NXNL1: variants seen among roughly 807,000 people sequenced by gnomAD.
The protein encoded by NXNL1 is nucleoredoxin like 1, also known as nucleoredoxin-like protein 1.
A neutral mutation model predicts 7.2 loss-of-function variants in NXNL1; 6 were observed. The observed-to-expected ratio is 0.83, with a 90% CI of 0.46 to 1.64. The LOEUF (loss-of-function observed/expected upper bound fraction) is 1.64, where lower values mean the gene tolerates loss of function less well. Among genes scored for constraint, NXNL1 ranks in the 40% most tolerant of loss-of-function variants. The probability of loss-of-function intolerance (pLI) is 0.01; values close to 1 mark genes in which losing one functional copy is unlikely to be tolerated. For missense variants in NXNL1, 308 were observed against 285.1 expected, an observed-to-expected ratio of 1.08 and a Z score of -0.58; for synonymous variants, 133 against 127.2, an observed-to-expected ratio of 1.05 and a Z score of -0.31.
In NXNL1 at chr19:17,460,865, G is replaced by T; in HGVS notation, c.5C>A (p.Ala2Asp). ...CAGGATGCGGCCAGAGAACAGGGAG[G>T]CCATGGTAACCTGGGTTGGGTGCTG... M[A>D]SLFSGRILIR... The change falls in exon 1 of 2, where the codon GCC becomes GAC. Residue 2 changes from alanine to aspartate, a missense_variant. By Grantham distance (126) the Ala-to-Asp change is moderately radical. Coordinates refer to ENST00000301944, the MANE Select transcript of NXNL1 (RefSeq NM_138454.2). 6.2e-7 allele frequency: 1 copy of T among 1,612,970 alleles called. No homozygotes were observed.
chr19:17,459,265 G>A (rs1189144276), intron 1 of NXNL1, among the ~76,000 whole-genome samples: 1 of 150,910 alleles, frequency 6.6e-6, no homozygotes, highest in African/African-American at 2.4e-5. Context: ...ATTACCTACA[G>A]TCTCCCTGAA....
At position 17,455,663 on chromosome 19, in the gene NXNL1, G is replaced by GCCCCCCCCCCCAACCCCCCCCCCCCC; in HGVS notation, c.622_623insGGGGGGGGGGGGGTTGGGGGGGGGGG (p.Ala208GlyfsTer65). 1 of 771,716 alleles carries GCCCCCCCCCCCAACCCCCCCCCCCCC rather than the reference G, an allele frequency of 1.3e-6. No individual in the cohort carries two copies. The highest frequency in any genetic ancestry group is 2.2e-6 in the Non-Finnish European group (1 of 464,466). The allele number at this position is 771,716 out of a possible 1,614,324, so 47.8% of individuals were successfully genotyped here. A position where few individuals can be genotyped will look rare whatever the true frequency, so the allele number is the denominator to read the frequency against. On this transcript the variant is annotated frameshift_variant, in exon 2 of 2. Transcript: ENST00000301944. LOFTEE classifies it high-confidence loss of function. ...CCTAGCGGGTCAGAACAGCCCCCCG[G>GCCCCCCCCCCCAACCCCCCCCCCCCC]CCCCGCCCTCCTCCCCACCCCCTCC...
Position 17,455,762 on chromosome 19 carries a change from C to G in NXNL1, c.524G>C (p.Arg175Pro). ...GCGGCGCAGGCACTCGGTGAGGCTC[C>G]GTGGCTCCTGGTCCTCCAGGTCCTC... ...LPEDLEDQEPRSLTECLRRHK... is the reference protein window; with the variant it reads ...LPEDLEDQEPPSLTECLRRHK... Residue 175 changes from arginine to proline, a missense_variant, in exon 2 of 2, where the codon CGG becomes CCG. Arg to Pro is a moderately radical substitution (Grantham distance 103). Transcript: ENST00000301944. 2 of 1,541,818 alleles carry G rather than the reference C, an allele frequency of 1.3e-6. No individual in the cohort carries two copies. The highest frequency in any genetic ancestry group is 1.2e-5 in the South Asian group (1 of 84,440).
Position 17,455,731 on chromosome 19 carries a change from C to T in NXNL1, c.555G>A (p.Lys185=). 1 of 1,415,508 alleles carries T rather than the reference C, an allele frequency of 7.1e-7. No homozygotes were observed. Among genetic ancestry groups the T allele is most frequent in the Non-Finnish European group, 9.3e-7 (1 of 1,070,640 alleles). 87.7% of individuals were successfully genotyped at this position (1,415,508 alleles called of 1,614,324 possible). ...CTCGCGCCGCCTTTTCCACGCGGTACTTGTGGCGGCGCAGGCACTCGGTGA... is the reference window on the plus strand; with the variant it reads ...CTCGCGCCGCCTTTTCCACGCGGTATTTGTGGCGGCGCAGGCACTCGGTGA... ...RSLTECLRRH[K]YRVEKAARGG... Residue 185 remains lysine (K), a synonymous_variant, in exon 2 of 2, where the codon AAG becomes AAA. Coordinates refer to ENST00000301944, the MANE Select transcript of NXNL1 (RefSeq NM_138454.2).
At chr19:17,458,720 G>A (rs1364497295) in intron 1 of NXNL1, among the ~76,000 whole-genome samples, 1 of 147,954 alleles carries the variant, frequency 6.8e-6, no homozygotes, top group Admixed American at 7.0e-5. Flanking sequence ...TCGTGCTTCA[G>A]CCTCCTGAGT....
chr19:17,456,410 C>T (rs1013315144), intron 1 of NXNL1, among the ~76,000 whole-genome samples: 6 of 151,856 alleles, frequency 4.0e-5, no homozygotes, highest in Non-Finnish European at 8.8e-5. Flanking sequence ...GGACTTCCCT[C>T]GAGAAGTATC....
intron 1 of NXNL1, 61 bp from the exon 2 acceptor site, chr19:17,456,020 C>T: frequency 2.5e-6 from 4 of 1,589,566 alleles, no homozygotes; most frequent in Non-Finnish European, 3.4e-6. Context: ...CCAGAGAGCC[C>T]CACATCCCTC....
At chr19:17,456,742 C>T (rs916007997) in intron 1 of NXNL1, among the ~76,000 whole-genome samples, 3 of 152,024 alleles carry the variant, frequency 2.0e-5, no homozygotes, top group Admixed American at 6.6e-5. Flanking sequence ...TCTTCCGTGG[C>T]CCTTTTCCAG....
At position 17,455,615 on chromosome 19, in the gene NXNL1, C is replaced by G; in HGVS notation, c.*32G>C. The G allele has an allele frequency of 7.6e-7, 1 of 1,314,396 alleles. No homozygotes were observed. Among genetic ancestry groups the G allele is most frequent in the East Asian group, 2.5e-5 (1 of 39,612 alleles). The allele number at this position is 1,314,396 out of a possible 1,614,324, so 81.4% of individuals were successfully genotyped here. A position where few individuals can be genotyped will look rare whatever the true frequency, so the allele number is the denominator to read the frequency against. On this transcript the variant is annotated 3_prime_UTR_variant, in exon 2 of 2. Coordinates refer to ENST00000301944, the MANE Select transcript of NXNL1 (RefSeq NM_138454.2). ...TGGGGTGGGGGTGGAGGTTCATCAA[C>G]AAACCCCACTCCTCTCCTCCACCCT...
chr19:17,460,432 C>G, intron 1 of NXNL1, 112 bp downstream of exon 1: 2 of 1,174,186 alleles, frequency 1.7e-6, no homozygotes, highest in Non-Finnish European at 2.4e-6. Flanking sequence ...CCCCTAGTTC[C>G]CAGTATATGG....
chr19:17,460,440 T>C (rs951067438), intron 1 of NXNL1, 104 bp downstream of exon 1: 7 of 1,252,856 alleles, frequency 5.6e-6, no homozygotes, highest in African/African-American at 1.5e-5. Context: ...TCCCAGTATA[T>C]GGACTGGCAC....
Position 17,455,669 on chromosome 19 carries a change from C to CCCCACAA in NXNL1, c.616_617insTTGTGGG (p.Gly206ValfsTer13). On this transcript the variant is annotated frameshift_variant, in exon 2 of 2. Transcript: ENST00000301944. LOFTEE classifies it high-confidence loss of function. ...GGGTCAGAACAGCCCCCCGGCCCCG[C>CCCCACAA]CCTCCTCCCCACCCCCTCCCCCGGG... The CCCCACAA allele has an allele frequency of 1.2e-6, 1 of 850,308 alleles. No individual in the cohort carries two copies. The highest frequency in any genetic ancestry group is 1.9e-6 in the Non-Finnish European group (1 of 533,448). 52.7% of individuals were successfully genotyped at this position (850,308 alleles called of 1,614,324 possible).
chr19:17,459,751 G>T lies in NXNL1; in HGVS notation c.326+793C>A, dbSNP rs542801358. 5.3e-5 allele frequency among the ~76,000 whole-genome samples: 8 copies of T among 152,120 alleles called. No homozygotes were observed. In the South Asian group the frequency reaches 1.7e-3, roughly 32 times the overall value. On this transcript the variant is annotated intron_variant, in intron 1 of 1. Transcript: ENST00000301944. ...TTAAGAGACAGGGTCTACCTGTATT[G>T]CCCTGGCTGGAGTGCAGTGGTGCGA...
chr19:17,456,616 T>C (rs2074994352), intron 1 of NXNL1, among the ~76,000 whole-genome samples: 1 of 152,108 alleles, frequency 6.6e-6, no homozygotes, highest in Non-Finnish European at 1.5e-5. Flanking sequence ...GCGTGGTGGC[T>C]CATGCCTGTA....
At chr19:17,458,845 A>C (rs1381233908) in intron 1 of NXNL1, among the ~76,000 whole-genome samples, 15 of 151,362 alleles carry the variant, frequency 9.9e-5, no homozygotes, top group Admixed American at 9.9e-4. Context: ...CACGTGATCC[A>C]CCCACCTCGG....
chr19:17,460,505 T>C, intron 1 of NXNL1, 39 bp downstream of exon 1: 1 of 1,590,320 alleles, frequency 6.3e-7, no homozygotes, highest in Non-Finnish European at 8.5e-7. Context: ...TCAGCGAACA[T>C]GCCCCCTCCT....
At chr19:17,457,033 A>G (rs2144515458) in intron 1 of NXNL1, among the ~76,000 whole-genome samples, 1 of 151,240 alleles carries the variant, frequency 6.6e-6, no homozygotes, top group African/African-American at 2.4e-5. Flanking sequence ...CTGGGCGAAG[A>G]TACTCCATCT....
intron 1 of NXNL1, among the ~76,000 whole-genome samples, chr19:17,456,632 A>G (rs574611185): frequency 1.8e-4 from 27 of 152,124 alleles, no homozygotes; most frequent in Non-Finnish European, 3.4e-4. Flanking sequence ...CTGTAATCTC[A>G]GCACTTTGGG....
At chr19:17,460,403 TG>T in intron 1 of NXNL1, 140 bp downstream of exon 1, 1 of 860,258 alleles carries the variant, frequency 1.2e-6, no homozygotes, top group Non-Finnish European at 1.7e-6. Flanking sequence ...CATGTGGAAG[TG>T]GGCACCCCTG....
Sources: gnomAD v4.1 joint callset for allele counts (sites outside exome capture counted in the v4.1 genomes callset) on GRCh38, gnomAD v4.1.1 for gene constraint, MANE v1.5 for transcripts, NCBI Gene and HGNC (gene_info 2026-07-23, HGNC 2026-07-21) for gene names.